Variants in AGBL1 observed in about 807,000 individuals in gnomAD.
AGBL1 encodes the protein AGBL carboxypeptidase 1.
Under a neutral mutation model 118.9 loss-of-function variants are expected in AGBL1, and 130 were observed. That is an observed-to-expected ratio of 1.09 (90% CI 0.95 to 1.26). The LOEUF is 1.26. Ranked by LOEUF, AGBL1 falls within the 50% of genes most tolerant of loss-of-function variation. AGBL1 has a pLI of 0.00. For missense variants in AGBL1, 1,584 were observed against 1,298.1 expected (o/e 1.22, Z -3.38); for synonymous variants, 555 against 478.9 (o/e 1.16, Z -2.08).
At chr15:86,627,282 G>A (rs1309754215) in intron 21 of AGBL1, among the ~76,000 whole-genome samples, 1 of 152,212 alleles carries the variant, frequency 6.6e-6, no homozygotes, top group South Asian at 2.1e-4. Context: ...TTGCAGGTGT[G>A]AGCCACTGTG....
At chr15:86,355,379 C>G (rs756786731) in intron 17 of AGBL1, among the ~76,000 whole-genome samples, 8 of 152,180 alleles carry the variant, frequency 5.3e-5, no homozygotes, top group Non-Finnish European at 1.2e-4. Context: ...TCAATTGCTT[C>G]TGGCACACAC....
intron 1 of AGBL1, among the ~76,000 whole-genome samples, chr15:86,089,966 T>C (rs559553271): frequency 6.6e-6 from 1 of 152,282 alleles, no homozygotes; most frequent in East Asian, 1.9e-4. Flanking sequence ...TGAAGAAAAA[T>C]GGGCATTACA....
chr15:86,200,137 T>C (rs1359386144), intron 5 of AGBL1, among the ~76,000 whole-genome samples: 2 of 152,246 alleles, frequency 1.3e-5, no homozygotes, highest in Non-Finnish European at 2.9e-5. Context: ...AGCTGTATTT[T>C]GGAAGATTTG....
intron 5 of AGBL1, among the ~76,000 whole-genome samples, chr15:86,200,064 G>A (rs1176443585): frequency 5.3e-5 from 8 of 152,176 alleles, no homozygotes; most frequent in Admixed American, 4.6e-4. Flanking sequence ...CAATTTCCAT[G>A]CAAACGCTGT....
chr15:86,645,683 G>C (rs1439438703), intron 21 of AGBL1, among the ~76,000 whole-genome samples: 1 of 152,178 alleles, frequency 6.6e-6, no homozygotes, highest in Admixed American at 6.5e-5. Context: ...AAACTACAGT[G>C]ATCAGCTAAT....
At chr15:86,850,320 A>G (rs980252227) in intron 22 of AGBL1, among the ~76,000 whole-genome samples, 1 of 152,216 alleles carries the variant, frequency 6.6e-6, no homozygotes, top group African/African-American at 2.4e-5. Context: ...CATGGCATGG[A>G]TTAAATGTTG....
chr15:86,165,505 C>G (rs2077328627), intron 5 of AGBL1, among the ~76,000 whole-genome samples: 1 of 152,102 alleles, frequency 6.6e-6, no homozygotes, highest in African/African-American at 2.4e-5. Context: ...CTAATGGATT[C>G]CATGAGATCA....
intron 23 of AGBL1, among the ~76,000 whole-genome samples, chr15:86,943,425 G>C (rs2080778823): frequency 6.6e-6 from 1 of 152,188 alleles, no homozygotes; most frequent in African/African-American, 2.4e-5. Context: ...CTCCTGCAGA[G>C]AGACAGGAGC....
At chr15:86,160,466 C>T (rs148324434) in intron 5 of AGBL1, among the ~76,000 whole-genome samples, 398 of 152,280 alleles carry the variant, frequency 2.6e-3, no homozygotes, top group Non-Finnish European at 4.5e-3. Context: ...TTCTAAGAAG[C>T]CATGGTAGTG....
rs367833868 is a variant in AGBL1, at chr15:86,541,881, T to C, written c.2686-4121T>C. ...ATGATCCTAGAAGATAAGTACATGC[T>C]GTTACCCAAAAAGAAATAGCTTGCA... On this transcript the variant is annotated intron_variant, in intron 19 of 22. Transcript: ENST00000614907. Among the ~76,000 whole-genome samples, 283 of 152,292 alleles carry C rather than the reference T, an allele frequency of 1.9e-3. 1 individual carries two copies. The highest frequency in any genetic ancestry group is 6.6e-3 in the African/African-American group (273 of 41,558).
intron 22 of AGBL1, among the ~76,000 whole-genome samples, chr15:86,906,453 G>A (rs2080281049): frequency 6.6e-6 from 1 of 152,170 alleles, no homozygotes; most frequent in Non-Finnish European, 1.5e-5. Flanking sequence ...AATGCTGTTT[G>A]CCCACTTACT....
chr15:86,916,427 TTG>T (rs939693029), downstream of AGBL1, among the ~76,000 whole-genome samples: 14 of 150,678 alleles, frequency 9.3e-5, no homozygotes, highest in East Asian at 1.9e-3. Flanking sequence ...GTGTGTGTGT[TTG>T]TGTGTGTGTG....
At chr15:86,194,693 G>A (rs951686070) in intron 5 of AGBL1, among the ~76,000 whole-genome samples, 1 of 152,162 alleles carries the variant, frequency 6.6e-6, no homozygotes, top group Non-Finnish European at 1.5e-5. Flanking sequence ...CCCGTGTTGG[G>A]TAGTTAGTAT....
intron 24 of AGBL1, among the ~76,000 whole-genome samples, chr15:86,999,654 C>T (rs1017347215): frequency 6.6e-6 from 1 of 150,778 alleles, no homozygotes; most frequent in Non-Finnish European, 1.5e-5. Flanking sequence ...GGTTCCAAGT[C>T]TTTGCTATTG....
chr15:86,408,055 C>G (rs905536955), intron 18 of AGBL1, among the ~76,000 whole-genome samples: 1 of 152,076 alleles, frequency 6.6e-6, no homozygotes, highest in Non-Finnish European at 1.5e-5. Context: ...TGGTCAGCTC[C>G]CAGCAGGCGT....
intron 21 of AGBL1, among the ~76,000 whole-genome samples, chr15:86,621,755 T>C (rs925369975): frequency 1.3e-5 from 2 of 152,218 alleles, no homozygotes; most frequent in Admixed American, 1.3e-4. Flanking sequence ...TTATTCTCTC[T>C]CACACTCAGT....
intron 18 of AGBL1, among the ~76,000 whole-genome samples, chr15:86,509,624 A>G (rs1332132080): frequency 6.6e-6 from 1 of 152,134 alleles, no homozygotes; most frequent in Non-Finnish European, 1.5e-5. Flanking sequence ...AATTGCTGTA[A>G]TTTATATAGG....
intron 18 of AGBL1, among the ~76,000 whole-genome samples, chr15:86,491,923 A>G (rs1057265277): frequency 6.6e-6 from 1 of 151,974 alleles, no homozygotes; most frequent in Non-Finnish European, 1.5e-5. Flanking sequence ...GGGAAATTAT[A>G]TTTATAAAAA....
intron 22 of AGBL1, among the ~76,000 whole-genome samples, chr15:86,731,389 G>T (rs1263434698): frequency 6.6e-6 from 1 of 152,102 alleles, no homozygotes; most frequent in African/African-American, 2.4e-5. Context: ...CTCCACCATT[G>T]TTGAAAATAG....
Sources: gnomAD v4.1 joint callset for allele counts (sites outside exome capture counted in the v4.1 genomes callset) on GRCh38, gnomAD v4.1.1 for gene constraint, MANE v1.5 for transcripts, NCBI Gene and HGNC (gene_info 2026-07-23, HGNC 2026-07-21) for gene names.